COPG2: variants seen among roughly 807,000 people sequenced by gnomAD.
COPG2 encodes the protein coat protein complex I subunit gamma 2.
COPG2 carries 37 observed loss-of-function variants against 46.3 expected under a neutral mutation model. That is an observed-to-expected ratio of 0.80 (90% CI 0.61 to 1.05). The LOEUF (loss-of-function observed/expected upper bound fraction) is 1.05. COPG2 is among the 50% of genes least tolerant of loss of function. COPG2 has a pLI of 0.00. For synonymous variants in COPG2, 159 were observed against 129.7 expected (o/e 1.23, Z -1.53); for missense variants, 427 against 387.8 (o/e 1.10, Z -0.85).
At chr7:130,578,224 C>G (rs2116431964) in intron 9 of COPG2, among the ~76,000 whole-genome samples, 1 of 149,910 alleles carries the variant, frequency 6.7e-6, no homozygotes, top group African/African-American at 2.5e-5. Context: ...GGAGGCACCC[C>G]CCAGCAGGGG....
At chr7:130,508,236 C>T (rs1799534907) in intron 21 of COPG2, 2 of 258,082 alleles carry the variant, frequency 7.7e-6, no homozygotes, top group Non-Finnish European at 1.5e-5. Flanking sequence ...AAAACAAAAC[C>T]AACCCCCTCC....
At chr7:130,654,106 G>A (rs73158088) in intron 4 of COPG2, among the ~76,000 whole-genome samples, 29,791 of 151,990 alleles carry the variant, frequency 0.2, 3,102 homozygotes, top group Middle Eastern at 0.25. Context: ...TTAAAACCAC[G>A]TTTCAGAAAC....
intron 5 of COPG2, among the ~76,000 whole-genome samples, chr7:130,651,807 C>T (rs933957703): frequency 2.6e-5 from 4 of 151,662 alleles, no homozygotes; most frequent in African/African-American, 7.3e-5. Flanking sequence ...TGAGCCACCG[C>T]GCCCGGCCAA....
At chr7:130,529,407 A>T (rs1482479256) in intron 20 of COPG2, among the ~76,000 whole-genome samples, 8 of 152,188 alleles carry the variant, frequency 5.3e-5, no homozygotes, top group Admixed American at 4.6e-4. Flanking sequence ...CAGACTCAAG[A>T]TGGGTCCAGG....
intron 9 of COPG2, among the ~76,000 whole-genome samples, chr7:130,596,631 G>A (rs941771336): frequency 4.6e-5 from 7 of 152,116 alleles, no homozygotes; most frequent in African/African-American, 1.2e-4. Flanking sequence ...CTGTCTCCCC[G>A]GCCTGACCAT....
In COPG2 at chr7:130,510,814, G is replaced by A. The variant is rs1253105227; in HGVS notation, c.2150-2155C>T. 2.2e-5 allele frequency: 10 copies of A among 458,040 alleles called. No homozygotes were observed. The East Asian group carries it at 5.2e-4, about 24-fold the overall frequency. 28.4% of individuals were successfully genotyped at this position (458,040 alleles called of 1,614,324 possible). A position where few individuals can be genotyped will look rare whatever the true frequency, so the allele number is the denominator to read the frequency against. The stretch of plus-strand genomic sequence containing the variant: ...AGGCAGTAATCTGTCGAAGCTGCTG[G>A]AGAGGATGACGAAATGGGGCGAGGA... On this transcript the variant is annotated intron_variant, in intron 20 of 23. Transcript: ENST00000425248.
chr7:130,519,602 A>T (rs1440138304), intron 20 of COPG2, among the ~76,000 whole-genome samples: 1 of 152,214 alleles, frequency 6.6e-6, no homozygotes, highest in Non-Finnish European at 1.5e-5. Context: ...AAAAAGGAGA[A>T]AAGGAGTAGA....
intron 12 of COPG2, among the ~76,000 whole-genome samples, chr7:130,556,236 C>T (rs1220108486): frequency 6.6e-6 from 1 of 151,782 alleles, no homozygotes; most frequent in Non-Finnish European, 1.5e-5. Flanking sequence ...ACTTTTTGCT[C>T]CAGAGGGCTT....
intron 5 of COPG2, among the ~76,000 whole-genome samples, chr7:130,637,128 C>T (rs574783978): frequency 2.4e-4 from 36 of 152,198 alleles, no homozygotes; most frequent in African/African-American, 7.9e-4. Flanking sequence ...GTGAGTAACC[C>T]GACCTTTCTC....
chr7:130,659,640 G>A (rs191342671), intron 4 of COPG2, among the ~76,000 whole-genome samples: 38 of 152,282 alleles, frequency 2.5e-4, no homozygotes, highest in South Asian at 1.5e-3. Flanking sequence ...CAGGCTGGGT[G>A]TGGTGGCTCA....
chr7:130,577,187 C>T (rs561468137), intron 9 of COPG2, among the ~76,000 whole-genome samples: 1 of 152,220 alleles, frequency 6.6e-6, no homozygotes, highest in Non-Finnish European at 1.5e-5. Context: ...CGAATAGGAA[C>T]AGCTCCCGTC....
intron 9 of COPG2, among the ~76,000 whole-genome samples, chr7:130,585,687 T>C (rs371233670): frequency 1.1e-3 from 165 of 152,024 alleles, no homozygotes; most frequent in African/African-American, 3.6e-3. Context: ...AAAGAAGATA[T>C]ACAAATGAGC....
chr7:130,600,563 C>A (rs903314172), intron 9 of COPG2, among the ~76,000 whole-genome samples: 1 of 152,036 alleles, frequency 6.6e-6, no homozygotes, highest in Admixed American at 6.6e-5. Flanking sequence ...ATGCCTGGCC[C>A]ATTTTGTCAT....
chr7:130,668,474 G>C (rs1436117116), intron 1 of COPG2, among the ~76,000 whole-genome samples, 158 bp downstream of exon 1: 2 of 149,796 alleles, frequency 1.3e-5, no homozygotes, highest in African/African-American at 4.9e-5. Flanking sequence ...GGCAGGCCCC[G>C]GGCAGCCGCG....
chr7:130,647,012 TATATATATATATGTGTATATATA>T (rs1795623209), intron 5 of COPG2, among the ~76,000 whole-genome samples: 29 of 136,294 alleles, frequency 2.1e-4, no homozygotes, highest in East Asian at 1.6e-3. Context: ...TATATATATG[TATATATATATATGTGTATATATA>T]TATTTATTTA....
chr7:130,596,152 C>T (rs1275926964), intron 9 of COPG2, among the ~76,000 whole-genome samples: 2 of 152,162 alleles, frequency 1.3e-5, no homozygotes, highest in Admixed American at 6.5e-5. Flanking sequence ...TGGACAGCTG[C>T]CAAGGAGCAT....
intron 9 of COPG2, chr7:130,603,832 T>C (rs369392390): frequency 6.6e-5 from 34 of 518,898 alleles, no homozygotes; most frequent in African/African-American, 3.9e-4. Flanking sequence ...CCAACCCCCA[T>C]GTAGCTGCAA....
chr7:130,560,469 T>C (rs1584973638), intron 12 of COPG2, among the ~76,000 whole-genome samples: 1 of 152,134 alleles, frequency 6.6e-6, no homozygotes, highest in South Asian at 2.1e-4. Context: ...GCTTGTTTAG[T>C]AGAAATTGAT....
intron 9 of COPG2, among the ~76,000 whole-genome samples, chr7:130,566,982 T>C (rs1279311431): frequency 1.3e-5 from 2 of 152,080 alleles, no homozygotes; most frequent in Non-Finnish European, 2.9e-5. Context: ...AGCAAAGACA[T>C]GGAATCAACC....
Sources: allele counts gnomAD v4.1 joint callset (sites outside exome capture counted in the v4.1 genomes callset), GRCh38; gene constraint gnomAD v4.1.1; transcripts MANE v1.5; gene names NCBI Gene and HGNC (gene_info 2026-07-23, HGNC 2026-07-21).